Variants in COL25A1 observed in about 807,000 individuals in gnomAD.
COL25A1 encodes the protein collagen alpha-1(XXV) chain.
In COL25A1, 103 loss-of-function variants were observed where a neutral mutation model predicts 128.4. That is an observed-to-expected ratio of 0.80 (90% CI 0.68 to 0.94). The LOEUF (loss-of-function observed/expected upper bound fraction) is 0.94, where lower values mean the gene tolerates loss of function less well. Ranked by LOEUF, COL25A1 falls within the 40% of genes least tolerant of loss-of-function variation. COL25A1 has a pLI of 0.00. For missense variants in COL25A1, 745 were observed against 840.0 expected (o/e 0.89, Z 1.40); for synonymous variants, 279 against 277.2 (o/e 1.01, Z -0.06).
At chr4:108,851,803 T>C (rs1349511490) in intron 26 of COL25A1, among the ~76,000 whole-genome samples, 1 of 152,184 alleles carries the variant, frequency 6.6e-6, no homozygotes, top group Non-Finnish European at 1.5e-5. Context: ...GATTTGTGAA[T>C]GCACCATACT....
chr4:109,155,390 C>T (rs554305402), intron 3 of COL25A1, among the ~76,000 whole-genome samples: 1 of 152,162 alleles, frequency 6.6e-6, no homozygotes, highest in African/African-American at 2.4e-5. Flanking sequence ...TTTAAAACAA[C>T]AGGGTTTTTA....
intron 3 of COL25A1, among the ~76,000 whole-genome samples, chr4:109,071,514 T>C (rs1176350540): frequency 6.6e-6 from 1 of 152,076 alleles, no homozygotes; most frequent in Non-Finnish European, 1.5e-5. Context: ...ACAGGCAACC[T>C]ACAGAATGGG....
At chr4:108,921,270 T>A (rs904663517) in intron 11 of COL25A1, among the ~76,000 whole-genome samples, 1 of 152,198 alleles carries the variant, frequency 6.6e-6, no homozygotes, top group East Asian at 1.9e-4. Flanking sequence ...TTATACAGCA[T>A]GGAAATGCAG....
chr4:108,829,855 T>C (rs72895098), intron 32 of COL25A1, among the ~76,000 whole-genome samples: 8,325 of 152,090 alleles, frequency 0.055, 755 homozygotes, highest in African/African-American at 0.19. Flanking sequence ...GCCGGGAAGC[T>C]CTGGGGAAGG....
At chr4:108,838,258 T>G in intron 31 of COL25A1, 1 of 946,744 alleles carries the variant, frequency 1.1e-6, no homozygotes. Flanking sequence ...GTCTCTGAAA[T>G]AGTTGCAGAT....
intron 8 of COL25A1, among the ~76,000 whole-genome samples, chr4:108,972,337 T>C (rs892000747): frequency 1.3e-5 from 2 of 152,214 alleles, no homozygotes; most frequent in East Asian, 3.9e-4. Context: ...ATAGAGAATG[T>C]GGGTAAAATT....
chr4:109,139,616 A>T (rs1199950086), intron 3 of COL25A1, among the ~76,000 whole-genome samples: 1 of 152,110 alleles, frequency 6.6e-6, no homozygotes, highest in African/African-American at 2.4e-5. Flanking sequence ...AGGTTTCTCA[A>T]AGATCAGATG....
chr4:109,077,912 T>A (rs1278286496), intron 3 of COL25A1, among the ~76,000 whole-genome samples: 1 of 152,238 alleles, frequency 6.6e-6, no homozygotes, highest in African/African-American at 2.4e-5. Flanking sequence ...CAGAGTAGTT[T>A]GAAATATAGG....
intron 32 of COL25A1, among the ~76,000 whole-genome samples, chr4:108,831,579 T>C (rs370377716): frequency 1.3e-5 from 2 of 152,236 alleles, no homozygotes; most frequent in East Asian, 3.9e-4. Flanking sequence ...CTCTCCTGGA[T>C]GGTAGGGAAA....
intron 3 of COL25A1, among the ~76,000 whole-genome samples, chr4:109,131,706 A>C (rs1367729543): frequency 6.6e-6 from 1 of 152,182 alleles, no homozygotes; most frequent in Non-Finnish European, 1.5e-5. Flanking sequence ...CGTTCACAAA[A>C]AGGCAGGGCA....
chr4:108,935,962 C>CAA (rs1188495483), intron 11 of COL25A1, among the ~76,000 whole-genome samples: 3 of 152,112 alleles, frequency 2.0e-5, no homozygotes, highest in Non-Finnish European at 4.4e-5. Context: ...GTAGTCTGTG[C>CAA]ACACCTGGGG....
chr4:109,161,464 A>G (rs1772571987), intron 3 of COL25A1, among the ~76,000 whole-genome samples: 1 of 152,232 alleles, frequency 6.6e-6, no homozygotes, highest in Admixed American at 6.5e-5. Context: ...TACATCAAGT[A>G]ACATTATATT....
At chr4:109,143,031 T>C (rs1008690763) in intron 3 of COL25A1, among the ~76,000 whole-genome samples, 2 of 152,234 alleles carry the variant, frequency 1.3e-5, no homozygotes, top group African/African-American at 4.8e-5. Context: ...TGGCATGTTT[T>C]TGCAGTGGCT....
intron 3 of COL25A1, among the ~76,000 whole-genome samples, chr4:109,072,258 T>C (rs1421795720): frequency 6.6e-6 from 1 of 152,188 alleles, no homozygotes; most frequent in Admixed American, 6.5e-5. Flanking sequence ...CACTGGATAA[T>C]TTCATTAATT....
intron 3 of COL25A1, among the ~76,000 whole-genome samples, chr4:109,226,031 C>A (rs529910075): frequency 1.4e-5 from 2 of 145,132 alleles, no homozygotes; most frequent in African/African-American, 2.6e-5. Flanking sequence ...ACACACACAA[C>A]GGAATACTAT....
At chr4:108,920,739 A>AT in intron 11 of COL25A1, 135 bp from the exon 12 acceptor site, 1 of 535,898 alleles carries the variant, frequency 1.9e-6, no homozygotes. Flanking sequence ...TCAGGAAAAA[A>AT]AAAGAAAAAT....
At chr4:109,081,910 G>T (rs1261560054) in intron 3 of COL25A1, among the ~76,000 whole-genome samples, 2 of 152,110 alleles carry the variant, frequency 1.3e-5, no homozygotes, top group Non-Finnish European at 2.9e-5. Context: ...CACTATGTTA[G>T]CCAGGCTGGT....
chr4:109,294,509 G>A (rs1270691673), intron 3 of COL25A1, among the ~76,000 whole-genome samples: 5 of 152,090 alleles, frequency 3.3e-5, no homozygotes, highest in Non-Finnish European at 5.9e-5. Context: ...GCATACTACA[G>A]TAATTTTTAA....
intron 5 of COL25A1, among the ~76,000 whole-genome samples, chr4:109,025,773 G>A (rs1432852866): frequency 6.6e-6 from 1 of 152,044 alleles, no homozygotes; most frequent in Admixed American, 6.6e-5. Flanking sequence ...ACAACACCAA[G>A]AGTTTTACAA....
Sources: allele counts gnomAD v4.1 joint callset (sites outside exome capture counted in the v4.1 genomes callset), GRCh38; gene constraint gnomAD v4.1.1; transcripts MANE v1.5; gene names NCBI Gene and HGNC (gene_info 2026-07-23, HGNC 2026-07-21).